VSIG1: variants seen among roughly 807,000 people sequenced by gnomAD.
VSIG1 encodes V-set and immunoglobulin domain containing 1.
Under a neutral mutation model 20.1 loss-of-function variants are expected in VSIG1, and 11 were observed. The observed-to-expected ratio is 0.55, with a 90% CI of 0.34 to 0.91. The LOEUF (loss-of-function observed/expected upper bound fraction) is 0.91, where lower values mean the gene tolerates loss of function less well. Among genes scored for constraint, VSIG1 ranks in the 40% least tolerant of loss-of-function variants. VSIG1 has a pLI of 0.02. For synonymous variants in VSIG1, 126 were observed against 116.7 expected, an observed-to-expected ratio of 1.08 and a Z score of -0.52; for missense variants, 283 against 298.8, an observed-to-expected ratio of 0.95 and a Z score of 0.39.
the VSIG1 span, among the ~76,000 whole-genome samples, chrX:108,023,246 A>G: frequency 2.7e-5 from 3 of 111,683 alleles, no homozygotes; most frequent in South Asian, 1.1e-3. Context: ...TCTTTAGTCT[A>G]TTAATATGGT....
intron 2 of VSIG1, among the ~76,000 whole-genome samples, chrX:108,066,419 A>G (rs1225748341): frequency 8.9e-6 from 1 of 111,782 alleles, no homozygotes; most frequent in Non-Finnish European, 1.9e-5. Context: ...AACAAACCCA[A>G]GTTTGTCTAT....
Position 108,077,532 on chromosome X carries a change from A to G in VSIG1, c.*151A>G. Reference sequence around the variant, plus strand: ...TTCCTACTATGAATCCAGAATAAACACGCCAAGATAACAGCTAAATCAGCA... The same window carrying G: ...TTCCTACTATGAATCCAGAATAAACGCGCCAAGATAACAGCTAAATCAGCA... On this transcript the variant is annotated 3_prime_UTR_variant, in exon 7 of 7. Coordinates refer to ENST00000217957, the MANE Select transcript of VSIG1 (RefSeq NM_182607.5). 5 of 631,186 alleles carry G rather than the reference A, an allele frequency of 7.9e-6. No homozygotes were observed. Among genetic ancestry groups the G allele is most frequent in the Non-Finnish European group, 9.6e-6 (4 of 417,141 alleles). The allele number at this position is 631,186 out of a possible 1,213,427, so 52.0% of individuals were successfully genotyped here.
chrX:108,047,433 C>CTAAGGT (rs2030605891), intron 1 of VSIG1, among the ~76,000 whole-genome samples: 1 of 110,928 alleles, frequency 9.0e-6, no homozygotes, highest in South Asian at 3.8e-4. Flanking sequence ...ATGTATTAGT[C>CTAAGGT]ACCTCTTAGA....
chrX:108,048,606 T>C (rs1177962322), intron 1 of VSIG1, among the ~76,000 whole-genome samples: 4 of 112,592 alleles, frequency 3.6e-5, no homozygotes, highest in African/African-American at 3.2e-5. Context: ...TCTGACTTAT[T>C]CAATTTTTAA....
At chrX:108,029,019 G>A in the VSIG1 span, among the ~76,000 whole-genome samples, 2 of 111,610 alleles carry the variant, frequency 1.8e-5, no homozygotes, top group Non-Finnish European at 1.9e-5. Flanking sequence ...ATTCCTCGGA[G>A]AAGGGGAATT....
the VSIG1 span, among the ~76,000 whole-genome samples, chrX:108,033,987 A>G: frequency 9.1e-6 from 1 of 110,355 alleles, no homozygotes; most frequent in Non-Finnish European, 1.9e-5. Context: ...AGGAAGACAC[A>G]ATTTATTTGT....
chrX:108,056,084 T>C (rs760249370), intron 1 of VSIG1, among the ~76,000 whole-genome samples: 2 of 111,797 alleles, frequency 1.8e-5, no homozygotes, highest in South Asian at 7.6e-4. Context: ...TCCGTTTTCT[T>C]ATAAGGACAA....
chrX:108,047,945 T>TATATACACACAC (rs1569287361), intron 1 of VSIG1, among the ~76,000 whole-genome samples: 2 of 37,157 alleles, frequency 5.4e-5, no homozygotes, highest in Non-Finnish European at 8.1e-5. Flanking sequence ...CACATATATA[T>TATATACACACAC]ATATATATAC....
chrX:108,041,283 T>C (rs966718971), upstream of VSIG1, among the ~76,000 whole-genome samples: 3 of 110,941 alleles, frequency 2.7e-5, no homozygotes, highest in Admixed American at 9.7e-5. Flanking sequence ...TTATTTGTTG[T>C]ATTGGAAAGC....
At chrX:108,038,523 G>T in the VSIG1 span, among the ~76,000 whole-genome samples, 1 of 112,130 alleles carries the variant, frequency 8.9e-6, no homozygotes, top group Non-Finnish European at 1.9e-5. Context: ...ATACCCAAAG[G>T]ATTATAAATC....
At chrX:108,042,708 T>C (rs1352356221), upstream of VSIG1, among the ~76,000 whole-genome samples, 1 of 111,276 alleles carries the variant, frequency 9.0e-6, no homozygotes, top group African/African-American at 3.3e-5. Flanking sequence ...GACTTAGAAG[T>C]CAAGGCAGAA....
At chrX:108,048,220 C>A (rs888115269) in intron 1 of VSIG1, among the ~76,000 whole-genome samples, 1 of 107,529 alleles carries the variant, frequency 9.3e-6, no homozygotes, top group African/African-American at 3.4e-5. Context: ...TCAGGCTGGT[C>A]TTGAACTCCC....
chrX:108,065,392 A>G (rs1296008860), intron 2 of VSIG1, among the ~76,000 whole-genome samples: 1 of 111,961 alleles, frequency 8.9e-6, no homozygotes, highest in African/African-American at 3.2e-5. Context: ...AGGGAAGTGA[A>G]TTAAATGAAC....
At chrX:108,059,386 T>A (rs1295631542) in intron 2 of VSIG1, among the ~76,000 whole-genome samples, 1 of 111,344 alleles carries the variant, frequency 9.0e-6, no homozygotes, top group African/African-American at 3.3e-5. Flanking sequence ...CAGGGGGAGA[T>A]TCCATCAATG....
At chrX:108,048,072 C>T (rs2030702052) in intron 1 of VSIG1, among the ~76,000 whole-genome samples, 1 of 97,226 alleles carries the variant, frequency 1.0e-5, no homozygotes, top group South Asian at 5.0e-4. Flanking sequence ...GGCACGATCT[C>T]GGCCCACCGC....
the VSIG1 span, among the ~76,000 whole-genome samples, chrX:108,022,823 G>A: frequency 1.8e-5 from 2 of 111,672 alleles, no homozygotes; most frequent in Admixed American, 9.5e-5. Flanking sequence ...GGAGCCCTCC[G>A]TGTGGTACTG....
chrX:108,032,855 A>G, the VSIG1 span, among the ~76,000 whole-genome samples: 1 of 111,882 alleles, frequency 8.9e-6, no homozygotes, highest in East Asian at 2.8e-4. Context: ...CATTGAACAC[A>G]TACCCTCACT....
chrX:108,061,287 A>G (rs2031015519), intron 2 of VSIG1: 1 of 429,790 alleles, frequency 2.3e-6, no homozygotes, highest in African/African-American at 2.5e-5. Context: ...GCACTATTAG[A>G]CAATTATGTG....
intron 5 of VSIG1, among the ~76,000 whole-genome samples, chrX:108,074,817 C>A (rs1188631266): frequency 9.0e-6 from 1 of 111,348 alleles, no homozygotes; most frequent in Non-Finnish European, 1.9e-5. Context: ...GGAGAGCAAC[C>A]AGGTCATGAT....
Sources: allele counts gnomAD v4.1 joint callset (sites outside exome capture counted in the v4.1 genomes callset), GRCh38; gene constraint gnomAD v4.1.1; transcripts MANE v1.5; gene names NCBI Gene and HGNC (gene_info 2026-07-23, HGNC 2026-07-21).